Variants in NOC4L observed in about 807,000 individuals in gnomAD.
NOC4L encodes the protein nucleolar complex associated 4 homolog, also known as nucleolar complex protein 4 homolog.
NOC4L carries 40 observed loss-of-function variants against 62.8 expected under a neutral mutation model. That is an observed-to-expected ratio of 0.64 (90% CI 0.49 to 0.83). The LOEUF (loss-of-function observed/expected upper bound fraction) is 0.83, where lower values mean the gene tolerates loss of function less well. NOC4L is among the 40% of genes least tolerant of loss of function. NOC4L has a pLI of 0.00. For missense variants in NOC4L, 927 were observed against 701.9 expected (o/e 1.32, Z -3.62); for synonymous variants, 433 against 299.8 (o/e 1.44, Z -4.59).
intron 7 of NOC4L, 35 bp downstream of exon 7, chr12:132,148,141 G>C: frequency 6.2e-7 from 1 of 1,610,490 alleles, no homozygotes. Context: ...CACCCTCCCG[G>C]GTTTGGGGGT....
intron 9 of NOC4L, 66 bp from the exon 10 acceptor site, chr12:132,150,915 G>T (rs913220805): frequency 1.7e-6 from 2 of 1,201,804 alleles, no homozygotes; most frequent in South Asian, 1.3e-5. Flanking sequence ...CTTACACTCA[G>T]TGTGGGCAGG....
At chr12:132,148,149 G>A (rs753391595) in intron 7 of NOC4L, 43 bp downstream of exon 7, 1 of 1,605,204 alleles carries the variant, frequency 6.2e-7, no homozygotes, top group Non-Finnish European at 8.5e-7. Flanking sequence ...CGGGTTTGGG[G>A]GTGTGTGTGG....
At chr12:132,150,943 G>C (rs369796077) in intron 9 of NOC4L, 38 bp from the exon 10 acceptor site, 2 of 1,511,984 alleles carry the variant, frequency 1.3e-6, no homozygotes, top group Non-Finnish European at 1.8e-6. Flanking sequence ...GTGGGAGCGA[G>C]GTCACTGCAG....
chr12:132,152,219 C>T (rs377143710), intron 14 of NOC4L, 22 bp downstream of exon 14: 132 of 1,607,388 alleles, frequency 8.2e-5, no homozygotes, highest in Non-Finnish European at 1.0e-4. Context: ...GGCCAGGGTG[C>T]GAGGGTCTGG....
chr12:132,148,430 C>T (rs1484611349), intron 7 of NOC4L, among the ~76,000 whole-genome samples, 179 bp from the exon 8 acceptor site: 1 of 152,202 alleles, frequency 6.6e-6, no homozygotes, highest in Non-Finnish European at 1.5e-5. Context: ...TTCTGAGACT[C>T]CAGCCTCGAG....
intron 14 of NOC4L, 21 bp from the exon 15 acceptor site, chr12:132,152,261 G>GCC: frequency 6.3e-7 from 1 of 1,583,190 alleles, no homozygotes; most frequent in Non-Finnish European, 8.6e-7. Context: ...CCTGAGAGCC[G>GCC]CCGTGCTTTG....
chr12:132,152,386 C>T lies in NOC4L; in HGVS notation c.1536C>T (p.His512=). The change falls in exon 15 of 15, where the codon CAC becomes CAT. Residue 512 remains histidine, a synonymous_variant. Transcript: ENST00000330579. Reference sequence around the variant, plus strand: ...GGCCGGGTGAACTCTGTGCCCAGCACTTCACGCTCAGCTGACCCTGGCCCA... The same window carrying T: ...GGCCGGGTGAACTCTGTGCCCAGCATTTCACGCTCAGCTGACCCTGGCCCA... ...LGRPGELCAQ[H]FTLS is the part of the protein sequence containing the mutation. 1 of 1,579,658 alleles carries T rather than the reference C, an allele frequency of 6.3e-7. No homozygotes were observed. Among genetic ancestry groups the T allele is most frequent in the Non-Finnish European group, 8.6e-7 (1 of 1,161,388 alleles).
chr12:132,148,093 T>G lies in NOC4L; in HGVS notation c.725T>G (p.Val242Gly). ...GCAGAGCTGTGGGACACCTGGAAGG[T>G]TGCTCACCTGAAGGTGAGTTGCTTC... ...KRAELWDTWK[V>G]AHLKEHRRVF... The change falls in exon 7 of 15, where the codon GTT becomes GGT. Residue 242 changes from valine to glycine, a missense_variant. Val to Gly is a moderately radical substitution (Grantham distance 109). Coordinates refer to ENST00000330579, the MANE Select transcript of NOC4L (RefSeq NM_024078.3). 1 of 1,613,412 alleles carries G rather than the reference T, an allele frequency of 6.2e-7. No homozygotes were observed. Among genetic ancestry groups the G allele is most frequent in the Non-Finnish European group, 8.5e-7 (1 of 1,179,948 alleles).
chr12:132,146,058 T>C (rs1897707470), intron 3 of NOC4L, among the ~76,000 whole-genome samples: 1 of 152,222 alleles, frequency 6.6e-6, no homozygotes, highest in African/African-American at 2.4e-5. Flanking sequence ...AGCTGAGAAG[T>C]TAGCATCTGT....
rs143628512 is a variant in NOC4L, at chr12:132,151,363, C to T, written c.1068C>T (p.Ser356=). ...TCCACCTGGCTGACCTCTTCCTGTC[C>T]TCCTCGTGAGTACCAGGGCACCTGG... is the stretch of plus-strand genomic sequence containing the variant. ...RFFHLADLFL[S]SSHLPAYLVA... is the part of the protein sequence containing the mutation. Residue 356 remains serine, a synonymous_variant, in exon 11 of 15, where the codon TCC becomes TCT. Coordinates refer to ENST00000330579, the MANE Select transcript of NOC4L (RefSeq NM_024078.3). 130 of 1,609,304 alleles carry T rather than the reference C, an allele frequency of 8.1e-5. No homozygotes were observed. The highest frequency in any genetic ancestry group is 1.1e-4 in the Non-Finnish European group (126 of 1,179,874).
intron 3 of NOC4L, 104 bp downstream of exon 3, chr12:132,145,769 C>T (rs1401972699): frequency 4.0e-6 from 3 of 744,674 alleles, no homozygotes; most frequent in Non-Finnish European, 6.7e-6. Context: ...CCAGGCAAAG[C>T]TGCTTCCTTC....
Position 132,151,465 on chromosome 12 carries a change from C to G in NOC4L, c.1074-19C>G. On this transcript the variant is annotated intron_variant, in intron 11 of 14. Coordinates refer to ENST00000330579, the MANE Select transcript of NOC4L (RefSeq NM_024078.3). ...GGCTAGCAGTCCGGGCCCTGTCTCA[C>G]AACCACTGCCCTGCCCAGCCACCTC... is the stretch of plus-strand genomic sequence containing the variant. 1 of 1,600,042 alleles carries G rather than the reference C, an allele frequency of 6.2e-7. No homozygotes were observed. Among genetic ancestry groups the G allele is most frequent in the South Asian group, 1.1e-5 (1 of 90,972 alleles).
At chr12:132,147,558 G>A (rs1565959079) in intron 4 of NOC4L, 75 bp from the exon 5 acceptor site, 1 of 1,561,470 alleles carries the variant, frequency 6.4e-7, no homozygotes, top group Non-Finnish European at 8.7e-7. Flanking sequence ...GGGCTCGATG[G>A]GGCAGGGCTG....
At chr12:132,147,559 G>A in intron 4 of NOC4L, 74 bp from the exon 5 acceptor site, 3 of 1,566,026 alleles carry the variant, frequency 1.9e-6, no homozygotes, top group Non-Finnish European at 2.6e-6. Context: ...GGCTCGATGG[G>A]GCAGGGCTGC....
chr12:132,144,789 G>A, intron 1 of NOC4L, 65 bp from the exon 2 acceptor site: 1 of 1,552,550 alleles, frequency 6.4e-7, no homozygotes. Flanking sequence ...CGGGTTGGGG[G>A]CAGCCTAGGC....
chr12:132,152,381 C>T lies in NOC4L; in HGVS notation c.1531C>T (p.Gln511Ter), dbSNP rs1432169894. Residue 511 changes from glutamine to a stop codon, truncating the protein, a stop_gained, in exon 15 of 15, where the codon CAG (glutamine) becomes TAG (stop). Transcript: ENST00000330579. LOFTEE classifies it high-confidence loss of function. ...GGGACGGCCGGGTGAACTCTGTGCC[C>T]AGCACTTCACGCTCAGCTGACCCTG... Reference protein sequence around the residue: ...LLGRPGELCAQHFTLS With the variant: ...LLGRPGELCA 9 of 1,580,082 alleles carry T rather than the reference C, an allele frequency of 5.7e-6. No homozygotes were observed. Among genetic ancestry groups the T allele is most frequent in the Non-Finnish European group, 7.7e-6 (9 of 1,161,886 alleles).
chr12:132,145,194 T>C (rs1047867716), intron 2 of NOC4L, among the ~76,000 whole-genome samples: 1 of 152,170 alleles, frequency 6.6e-6, no homozygotes, highest in Non-Finnish European at 1.5e-5. Flanking sequence ...GTACGACTTT[T>C]TGTGTGCTTT....
Position 132,151,747 on chromosome 12 carries a change from C to G in NOC4L, c.1244C>G (p.Ala415Gly). The G allele has an allele frequency of 1.9e-6, 3 of 1,612,416 alleles. No individual in the cohort carries two copies. Among genetic ancestry groups the G allele is most frequent in the Non-Finnish European group, 2.5e-6 (3 of 1,179,828 alleles). The change falls in exon 13 of 15, where the codon GCC (alanine) becomes GGC (glycine). Residue 415 changes from alanine to glycine, a missense_variant. By Grantham distance (60) the Ala-to-Gly change is moderately conservative. Coordinates refer to ENST00000330579, the MANE Select transcript of NOC4L (RefSeq NM_024078.3). ...VHRPHGPELD[A>G]DPYDPGEEDP... The stretch of plus-strand genomic sequence containing the variant: ...CACGTCTCATTCCTAGAGTTGGACG[C>G]CGACCCCTACGACCCTGGAGAGGAG...
rs753569164 is a variant in NOC4L, at chr12:132,152,435, C to A, written c.*34C>A. 6.5e-7 allele frequency: 1 copy of A among 1,547,288 alleles called. No homozygotes were observed. The highest frequency in any genetic ancestry group is 1.2e-5 in the South Asian group (1 of 84,674). ...CACCTGTGAATAAATCTCAGCTGAC[C>A]CCAGCCCACCTGTGAATAAATGTTT... is the stretch of plus-strand genomic sequence containing the variant. On this transcript the variant is annotated 3_prime_UTR_variant, in exon 15 of 15. Transcript: ENST00000330579.
Sources: allele counts gnomAD v4.1 joint callset (sites outside exome capture counted in the v4.1 genomes callset), GRCh38; gene constraint gnomAD v4.1.1; transcripts MANE v1.5; gene names NCBI Gene and HGNC (gene_info 2026-07-23, HGNC 2026-07-21).